Variants in MAGI3 observed in about 807,000 individuals in gnomAD.
MAGI3 encodes the protein membrane associated guanylate kinase, WW and PDZ domain containing 3.
Under a neutral mutation model 121.8 loss-of-function variants are expected in MAGI3, and 43 were observed. That is an observed-to-expected ratio of 0.35 (90% CI 0.28 to 0.46). The LOEUF (loss-of-function observed/expected upper bound fraction) is 0.46, where lower values mean the gene tolerates loss of function less well. MAGI3 is among the 20% of genes least tolerant of loss of function. The pLI, the probability that MAGI3 is intolerant of heterozygous loss-of-function variation, is 1.00. For synonymous variants in MAGI3, 553 were observed against 639.3 expected (o/e 0.86, Z 2.04); for missense variants, 1,547 against 1,797.3 (o/e 0.86, Z 2.52).
intron 1 of MAGI3, among the ~76,000 whole-genome samples, chr1:113,503,375 T>G (rs1657142908): frequency 7.1e-6 from 1 of 140,394 alleles, no homozygotes; most frequent in Admixed American, 7.1e-5. Context: ...CAGTGCTAAA[T>G]TATAATTTTC....
intron 1 of MAGI3, among the ~76,000 whole-genome samples, chr1:113,432,576 G>A (rs1180941791): frequency 2.0e-5 from 3 of 151,210 alleles, no homozygotes; most frequent in Non-Finnish European, 2.9e-5. Context: ...ATATGTTTCC[G>A]AGACAGGACT....
intron 1 of MAGI3, among the ~76,000 whole-genome samples, chr1:113,485,348 A>AT (rs1006073761): frequency 3.3e-5 from 5 of 152,174 alleles, no homozygotes; most frequent in Non-Finnish European, 7.4e-5. Flanking sequence ...GATTATGGCC[A>AT]TTCTTTCAGG....
intron 1 of MAGI3, among the ~76,000 whole-genome samples, chr1:113,477,246 T>A (rs2101554265): frequency 6.6e-6 from 1 of 152,358 alleles, no homozygotes; most frequent in South Asian, 2.1e-4. Context: ...AATATTGTTA[T>A]GTGTGAATTT....
intron 2 of MAGI3, among the ~76,000 whole-genome samples, chr1:113,559,698 G>A (rs1311452621): frequency 6.6e-6 from 1 of 152,044 alleles, no homozygotes; most frequent in Non-Finnish European, 1.5e-5. Flanking sequence ...CTCCTGAATA[G>A]CTGGGACTAT....
Position 113,495,727 on chromosome 1 carries a change from TTA to T in MAGI3, c.317-53786_317-53785del, listed in dbSNP as rs376169051. On this transcript the variant is annotated intron_variant, in intron 1 of 20. Transcript: ENST00000307546. ...AGAGTAATGCATTTAGGACAAAAGT[TTA>T]TGTTTGTTATTAGGGATATAAAGTC... 9.8e-5 allele frequency among the ~76,000 whole-genome samples: 15 copies of T among 152,290 alleles called. No individual in the cohort carries two copies. The East Asian group carries it at 1.9e-3, about 20-fold the overall frequency.
At chr1:113,421,297 A>C (rs1303766739) in intron 1 of MAGI3, among the ~76,000 whole-genome samples, 1 of 152,206 alleles carries the variant, frequency 6.6e-6, no homozygotes, top group African/African-American at 2.4e-5. Context: ...TCAAGTTAAA[A>C]ATTTTGTGCT....
At position 113,685,132 on chromosome 1, in the gene MAGI3, T is replaced by G. The variant is rs1648470515; in HGVS notation, c.*1118T>G. On this transcript the variant is annotated 3_prime_UTR_variant, in exon 21 of 21. Coordinates refer to ENST00000307546, the MANE Select transcript of MAGI3 (RefSeq NM_001142782.2). ...CAGTACTTACTGGATCTTATTTAACTTTTAGCTACATTAACTAACTTTCTT... is the reference window on the plus strand; with the variant it reads ...CAGTACTTACTGGATCTTATTTAACGTTTAGCTACATTAACTAACTTTCTT... 6.6e-6 allele frequency: 1 copy of G among 152,348 alleles called. No homozygotes were observed. The highest frequency in any genetic ancestry group is 6.5e-5 in the Admixed American group (1 of 15,286). The allele number at this position is 152,348 out of a possible 1,614,324, so 9.4% of individuals were successfully genotyped here. A position where few individuals can be genotyped will look rare whatever the true frequency, so the allele number is the denominator to read the frequency against.
intron 1 of MAGI3, among the ~76,000 whole-genome samples, chr1:113,540,743 C>G (rs1287091783): frequency 6.6e-6 from 1 of 152,150 alleles, no homozygotes; most frequent in African/African-American, 2.4e-5. Context: ...GGCCATGTGT[C>G]TGACAGTTTT....
chr1:113,465,444 C>A (rs1270104769), intron 1 of MAGI3, among the ~76,000 whole-genome samples: 1 of 152,072 alleles, frequency 6.6e-6, no homozygotes, highest in Non-Finnish European at 1.5e-5. Context: ...TGTGACCCTT[C>A]CAGCTTCATT....
intron 1 of MAGI3, among the ~76,000 whole-genome samples, chr1:113,542,198 G>A (rs1307329254): frequency 6.6e-6 from 1 of 152,052 alleles, no homozygotes; most frequent in Non-Finnish European, 1.5e-5. Flanking sequence ...CATATACTAT[G>A]TTTTTTGATC....
At position 113,442,785 on chromosome 1, in the gene MAGI3, G is replaced by A. The variant is rs377475239; in HGVS notation, c.316+51436G>A. Among the ~76,000 whole-genome samples, 5 of 152,052 alleles carry A rather than the reference G, an allele frequency of 3.3e-5. No homozygotes were observed. In the East Asian group the frequency reaches 5.8e-4, roughly 18 times the overall value. ...TAACTGGCTCCATAGCCTTAGTTTAGATTCTTCATCATCCTTATCTTGACT... is the reference window on the plus strand; with the variant it reads ...TAACTGGCTCCATAGCCTTAGTTTAAATTCTTCATCATCCTTATCTTGACT... On this transcript the variant is annotated intron_variant, in intron 1 of 20. Transcript: ENST00000307546.
chr1:113,604,702 A>G (rs1317024356), intron 6 of MAGI3, among the ~76,000 whole-genome samples: 2 of 151,740 alleles, frequency 1.3e-5, no homozygotes, highest in Non-Finnish European at 2.9e-5. Context: ...GGAGGTCATT[A>G]TTCTAAGTGA....
At chr1:113,431,648 A>G (rs1653304918) in intron 1 of MAGI3, among the ~76,000 whole-genome samples, 1 of 152,196 alleles carries the variant, frequency 6.6e-6, no homozygotes, top group Non-Finnish European at 1.5e-5. Flanking sequence ...ATCAAGATGT[A>G]AGTGTGAACA....
Position 113,651,085 on chromosome 1 carries a change from A to C in MAGI3, c.2319A>C (p.Leu773=), listed in dbSNP as rs749813693. 3 of 1,614,168 alleles carry C rather than the reference A, an allele frequency of 1.9e-6. No homozygotes were observed. Among genetic ancestry groups the C allele is most frequent in the Non-Finnish European group, 2.5e-6 (3 of 1,180,026 alleles). ...KDGRLRAADE[L]MCIDGIPVKG... ...GTCGGCTCCGCGCAGCTGATGAACT[A>C]ATGTGCATTGATGGAATTCCTGTTA... The change falls in exon 14 of 21, where the codon CTA becomes CTC. Residue 773 remains leucine, a synonymous_variant. Transcript: ENST00000307546.
intron 6 of MAGI3, among the ~76,000 whole-genome samples, chr1:113,597,985 G>A (rs755545742): frequency 3.3e-5 from 5 of 152,052 alleles, no homozygotes; most frequent in Non-Finnish European, 7.4e-5. Context: ...AGGCTGTGGT[G>A]GGCGGATAAT....
chr1:113,582,262 C>T (rs1318634872), intron 3 of MAGI3, among the ~76,000 whole-genome samples: 3 of 151,978 alleles, frequency 2.0e-5, no homozygotes, highest in African/African-American at 7.2e-5. Flanking sequence ...ATAACTCTGA[C>T]CTAGCAGTGC....
intron 7 of MAGI3, 35 bp from the exon 8 acceptor site, chr1:113,619,701 T>G: frequency 7.2e-7 from 1 of 1,387,372 alleles, no homozygotes; most frequent in Non-Finnish European, 1.0e-6. Flanking sequence ...CTGTTTTATT[T>G]TAAACTGAAA....
intron 2 of MAGI3, among the ~76,000 whole-genome samples, chr1:113,578,806 A>G (rs1371713002): frequency 2.0e-5 from 3 of 152,200 alleles, no homozygotes; most frequent in South Asian, 2.1e-4. Flanking sequence ...TATATCCTCT[A>G]TGATGTAAAA....
chr1:113,454,140 A>G, intron 1 of MAGI3, among the ~76,000 whole-genome samples: 1 of 152,250 alleles, frequency 6.6e-6, no homozygotes, highest in Non-Finnish European at 1.5e-5. Context: ...CCATTTATGT[A>G]GATGAAATTC....
Sources: allele counts gnomAD v4.1 joint callset (sites outside exome capture counted in the v4.1 genomes callset), GRCh38; gene constraint gnomAD v4.1.1; transcripts MANE v1.5; gene names NCBI Gene and HGNC (gene_info 2026-07-23, HGNC 2026-07-21).